The following ARHGAP21 variants were observed in gnomAD, a reference collection of about 807,000 sequenced individuals.
ARHGAP21 encodes the protein Rho GTPase activating protein 21, also known as rho GTPase-activating protein 21.
Under a neutral mutation model 164.6 loss-of-function variants are expected in ARHGAP21, and 38 were observed. The ratio of observed to expected loss-of-function variants is 0.23; its 90% CI spans 0.18 to 0.30. The LOEUF (loss-of-function observed/expected upper bound fraction) is 0.30. Among genes scored for constraint, ARHGAP21 ranks in the 10% least tolerant of loss-of-function variants. ARHGAP21 has a pLI of 1.00. For missense variants in ARHGAP21, 1,822 were observed against 2,370.7 expected (o/e 0.77, Z 4.81); for synonymous variants, 766 against 857.9 (o/e 0.89, Z 1.87).
chr10:24,585,756 G>T lies in ARHGAP21; in HGVS notation c.4533C>A (p.His1511Gln), dbSNP rs1172930084. ...EEPSPPHNSK[H>Q]NKSPTLSCRF... Reference sequence around the variant, plus strand: ...GACAGCTGAGAGTTGGTGACTTGTTGTGTTTTGAGTTGTGTGGTGGTGAGG... The same window carrying T: ...GACAGCTGAGAGTTGGTGACTTGTTTTGTTTTGAGTTGTGTGGTGGTGAGG... Residue 1511 changes from histidine to glutamine, a missense_variant, in exon 26 of 26, where the codon CAC (histidine) becomes CAA (glutamine). By Grantham distance (24) the His-to-Gln change is conservative. Around this residue, in one of 5 missense-constraint regions of ARHGAP21, gnomAD observed 333 missense variants for 383.9 expected, o/e 0.87. Transcript: ENST00000396432. 1 of 1,613,858 alleles carries T rather than the reference G, an allele frequency of 6.2e-7. No homozygotes were observed. The highest frequency in any genetic ancestry group is 1.3e-5 in the African/African-American group (1 of 74,902).
At chr10:24,664,563 A>AT (rs1840009906) in intron 4 of ARHGAP21, among the ~76,000 whole-genome samples, 7 of 150,990 alleles carry the variant, frequency 4.6e-5, no homozygotes, top group Admixed American at 3.3e-4. Context: ...TCAAAAAAAA[A>AT]AAATAATAAT....
At chr10:24,676,022 C>A (rs1052778027) in intron 2 of ARHGAP21, among the ~76,000 whole-genome samples, 1 of 152,252 alleles carries the variant, frequency 6.6e-6, no homozygotes, top group African/African-American at 2.4e-5. Context: ...ATGGCACGTG[C>A]CTGTAATCCC....
intron 2 of ARHGAP21, among the ~76,000 whole-genome samples, chr10:24,705,885 A>G (rs1244796160): frequency 6.6e-6 from 1 of 152,218 alleles, no homozygotes; most frequent in Non-Finnish European, 1.5e-5. Context: ...GATTAACAAC[A>G]AAGGTCTGAT....
intron 4 of ARHGAP21, among the ~76,000 whole-genome samples, chr10:24,656,265 A>T (rs1371875935): frequency 1.2e-5 from 1 of 82,124 alleles, no homozygotes; most frequent in African/African-American, 5.7e-5. Context: ...GGTGAGAGGC[A>T]CCTCTGCCCG....
chr10:24,702,226 G>T (rs1565188776), intron 2 of ARHGAP21, among the ~76,000 whole-genome samples: 1 of 149,268 alleles, frequency 6.7e-6, no homozygotes. Flanking sequence ...CATTTCCCGG[G>T]TTCACGCCAT....
chr10:24,609,096 A>C (rs1427713115), intron 9 of ARHGAP21, among the ~76,000 whole-genome samples: 2 of 152,216 alleles, frequency 1.3e-5, no homozygotes, highest in Non-Finnish European at 2.9e-5. Context: ...AGATTAATGA[A>C]TACTGATGTG....
intron 2 of ARHGAP21, among the ~76,000 whole-genome samples, chr10:24,674,705 T>C (rs966638315): frequency 2.0e-5 from 3 of 152,084 alleles, no homozygotes; most frequent in Admixed American, 1.3e-4. Context: ...ATATATTTTA[T>C]GAAAAGTATA....
chr10:24,603,984 C>A (rs912872712), intron 12 of ARHGAP21, among the ~76,000 whole-genome samples: 1 of 132,216 alleles, frequency 7.6e-6, no homozygotes, highest in African/African-American at 2.9e-5. Context: ...AAGGAAATTC[C>A]TGTCTAATAG....
Position 24,619,534 on chromosome 10 carries a change from C to T in ARHGAP21, c.2361G>A (p.Glu787=). 6.2e-7 allele frequency: 1 copy of T among 1,614,118 alleles called. No homozygotes were observed. Among genetic ancestry groups the T allele is most frequent in the Non-Finnish European group, 8.5e-7 (1 of 1,180,026 alleles). ...ARREVHIKRM[E]ERKASSTSPP... is the part of the protein sequence containing the mutation. The stretch of plus-strand genomic sequence containing the variant: ...GACTGGTACTCGAGGCTTTTCTTTC[C>T]TCCATTCTTTTTATGTGGACCTCTC... Residue 787 remains glutamate, a synonymous_variant, in exon 9 of 26, where the codon GAG becomes GAA. Coordinates refer to ENST00000396432, the MANE Select transcript of ARHGAP21 (RefSeq NM_020824.4).
At chr10:24,587,420 A>G (rs2076151360) in intron 25 of ARHGAP21, among the ~76,000 whole-genome samples, 1 of 152,172 alleles carries the variant, frequency 6.6e-6, no homozygotes, top group Admixed American at 6.5e-5. Flanking sequence ...TATTGCCTGC[A>G]AATCTTAGAC....
chr10:24,596,570 A>G (rs73606517), intron 17 of ARHGAP21, 170 bp downstream of exon 17: 9,696 of 818,514 alleles, frequency 0.012, 410 homozygotes, highest in African/African-American at 0.12. Context: ...GAGTCAATAC[A>G]TTAGAAAAAA....
At chr10:24,663,695 AT>A (rs1343231261) in intron 4 of ARHGAP21, among the ~76,000 whole-genome samples, 1 of 151,954 alleles carries the variant, frequency 6.6e-6, no homozygotes, top group Admixed American at 6.6e-5. Flanking sequence ...CCCCTGGCTA[AT>A]TTTTTTATTT....
At chr10:24,641,549 TA>T (rs770657881) in intron 4 of ARHGAP21, among the ~76,000 whole-genome samples, 2 of 152,208 alleles carry the variant, frequency 1.3e-5, no homozygotes, top group Non-Finnish European at 2.9e-5. Flanking sequence ...CTATTATTAG[TA>T]AAAACATACT....
intron 17 of ARHGAP21, 59 bp downstream of exon 17, chr10:24,596,681 C>G: frequency 6.2e-7 from 1 of 1,608,902 alleles, no homozygotes; most frequent in South Asian, 1.1e-5. Flanking sequence ...ACTCAGATCC[C>G]ATTATAATCA....
chr10:24,654,576 C>T (rs1194124226), intron 4 of ARHGAP21, among the ~76,000 whole-genome samples: 1 of 152,118 alleles, frequency 6.6e-6, no homozygotes, highest in African/African-American at 2.4e-5. Context: ...TGTGAAGGAC[C>T]TCTTCAAGGA....
chr10:24,619,591 G>A lies in ARHGAP21; in HGVS notation c.2304C>T (p.Asp768=), dbSNP rs1185081887. The A allele has an allele frequency of 6.2e-7, 1 of 1,614,162 alleles. No individual in the cohort carries two copies. The highest frequency in any genetic ancestry group is 1.7e-5 in the Admixed American group (1 of 60,016). ...CATCATTGGGCAGCCAGCAGGTAGT[G>A]TCTGACCCGGTCTCCTGGTCATTTA... The part of the protein sequence containing the change: ...LAVNDQETGS[D]TTCWLPNDAR... The change falls in exon 9 of 26, where the codon GAC becomes GAT. Residue 768 remains aspartate (D), a synonymous_variant. Coordinates refer to ENST00000396432, the MANE Select transcript of ARHGAP21 (RefSeq NM_020824.4).
chr10:24,600,457 ATGG>A (rs2076768930), intron 14 of ARHGAP21, among the ~76,000 whole-genome samples, 186 bp downstream of exon 14: 1 of 152,194 alleles, frequency 6.6e-6, no homozygotes, highest in African/African-American at 2.4e-5. Flanking sequence ...TAGTTCAGTG[ATGG>A]TGATTTTCCA....
In ARHGAP21 at chr10:24,620,592, A is replaced by T; in HGVS notation, c.1303T>A (p.Leu435Met). 6.2e-7 allele frequency: 1 copy of T among 1,614,200 alleles called. No homozygotes were observed. The highest frequency in any genetic ancestry group is 8.5e-7 in the Non-Finnish European group (1 of 1,180,044). Residue 435 changes from leucine (L) to methionine (M), a missense_variant, in exon 9 of 26, where the codon TTG (leucine) becomes ATG (methionine). Leu to Met is a conservative substitution (Grantham distance 15). Coordinates refer to ENST00000396432, the MANE Select transcript of ARHGAP21 (RefSeq NM_020824.4). ...YNQVVPNRTT[L>M]QGRRRSTSHD... Reference sequence around the variant, plus strand: ...GAGGTGCTTCGACGTCGTCCCTGCAAAGTAGTGCGGTTGGGGACGACCTGG... The same window carrying T: ...GAGGTGCTTCGACGTCGTCCCTGCATAGTAGTGCGGTTGGGGACGACCTGG...
chr10:24,602,293 T>C (rs2076845959), intron 12 of ARHGAP21, among the ~76,000 whole-genome samples, 190 bp from the exon 13 acceptor site: 1 of 152,202 alleles, frequency 6.6e-6, no homozygotes, highest in Admixed American at 6.5e-5. Context: ...TTTTTAACCA[T>C]TAAAAATAAC....
Sources: allele counts gnomAD v4.1 joint callset (sites outside exome capture counted in the v4.1 genomes callset), GRCh38; gene constraint gnomAD v4.1.1; regional missense constraint gnomAD v4.1.1; transcripts MANE v1.5; gene names NCBI Gene and HGNC (gene_info 2026-07-23, HGNC 2026-07-21).